The following DGLUCY variants were observed in gnomAD, a reference collection of about 807,000 sequenced individuals.
DGLUCY encodes D-glutamate cyclase.
In DGLUCY, 58 loss-of-function variants were observed where a neutral mutation model predicts 58.5. The observed-to-expected ratio is 0.99, with a 90% CI of 0.80 to 1.23. The LOEUF is 1.23. Ranked by LOEUF, DGLUCY falls within the 50% of genes most tolerant of loss-of-function variation. The pLI, the probability that DGLUCY is intolerant of heterozygous loss-of-function variation, is 0.00. For synonymous variants in DGLUCY, 325 were observed against 314.1 expected (o/e 1.03, Z -0.37); for missense variants, 779 against 784.7 (o/e 0.99, Z 0.09).
At chr14:91,212,091 C>G (rs947378153) in intron 12 of DGLUCY, among the ~76,000 whole-genome samples, 2 of 152,200 alleles carry the variant, frequency 1.3e-5, no homozygotes, top group African/African-American at 4.8e-5. Context: ...GCATGAGCCA[C>G]CACATCTGGC....
At chr14:91,160,547 C>T in intron 3 of DGLUCY, 150 bp downstream of exon 3, 2 of 626,638 alleles carry the variant, frequency 3.2e-6, no homozygotes, top group East Asian at 2.8e-5. Context: ...TAGCTCTGGT[C>T]ACTATTTAAC....
intron 4 of DGLUCY, 157 bp downstream of exon 4, chr14:91,167,535 C>A: frequency 1.0e-6 from 1 of 957,476 alleles, no homozygotes; most frequent in Non-Finnish European, 1.6e-6. Context: ...AACGAGCTGC[C>A]CTCCCCACTG....
intron 1 of DGLUCY, among the ~76,000 whole-genome samples, chr14:91,075,539 T>C (rs1049869092): frequency 4.6e-5 from 7 of 152,338 alleles, no homozygotes; most frequent in East Asian, 1.9e-4. Flanking sequence ...TAGTTTGCTT[T>C]GATTTGGGTT....
rs186380067 is a variant in DGLUCY, at chr14:91,063,875, T to C, written c.-82+3171T>C. Among the ~76,000 whole-genome samples the C allele has an allele frequency of 4.6e-5, 7 of 152,316 alleles. No homozygotes were observed. The East Asian group carries it at 1.3e-3, about 29-fold the overall frequency. On this transcript the variant is annotated intron_variant, in intron 1 of 4. Transcript: ENST00000521334. Reference sequence around the variant, plus strand: ...TAATCGTGGTAGTATTTTCAGAAGGTCACTGAAGTTAGTGTTTGGAGACTG... The same window carrying C: ...TAATCGTGGTAGTATTTTCAGAAGGCCACTGAAGTTAGTGTTTGGAGACTG...
chr14:91,181,732 C>T (rs901190473), intron 8 of DGLUCY, among the ~76,000 whole-genome samples: 2 of 147,424 alleles, frequency 1.4e-5, no homozygotes, highest in Non-Finnish European at 3.0e-5. Context: ...GGAACAATGG[C>T]GTGATCTTGG....
At chr14:91,071,608 G>A (rs1345542850) in intron 1 of DGLUCY, among the ~76,000 whole-genome samples, 4 of 152,066 alleles carry the variant, frequency 2.6e-5, no homozygotes, top group Admixed American at 6.5e-5. Context: ...GGTGGCTCAC[G>A]CCTATAATCC....
At chr14:91,220,543 T>C (rs1310024001) in intron 13 of DGLUCY, 1 of 455,954 alleles carries the variant, frequency 2.2e-6, no homozygotes, top group Non-Finnish European at 4.4e-6. Context: ...CAGAAGGAGG[T>C]GAAGGCCAAG....
chr14:91,215,338 C>CT, intron 12 of DGLUCY, 67 bp from the exon 13 acceptor site: 1 of 1,545,388 alleles, frequency 6.5e-7, no homozygotes, highest in Non-Finnish European at 8.8e-7. Flanking sequence ...GTTCTGCTTC[C>CT]TAGAGGCAGG....
chr14:91,191,060 T>C (rs531602293), intron 9 of DGLUCY, among the ~76,000 whole-genome samples: 1 of 152,130 alleles, frequency 6.6e-6, no homozygotes, highest in African/African-American at 2.4e-5. Flanking sequence ...GCTAGGGCCC[T>C]GCAGGGCCTC....
chr14:91,121,800 GA>G (rs954854687), intron 1 of DGLUCY, among the ~76,000 whole-genome samples: 3 of 151,900 alleles, frequency 2.0e-5, no homozygotes, highest in African/African-American at 2.4e-5. Context: ...AGAGCAGGGG[GA>G]AAAAAATGAC....
rs568479813 is a variant in DGLUCY, at chr14:91,165,902, T to C, written c.104-1323T>C. ...CATGTTTGTGGCATTAAAATGTTCA[T>C]GGCAGCACCATTTGTCATAACCCCA... On this transcript the variant is annotated intron_variant, in intron 3 of 13. Transcript: ENST00000256324. Among the ~76,000 whole-genome samples the C allele has an allele frequency of 3.3e-5, 5 of 152,358 alleles. No homozygotes were observed. The South Asian group carries it at 1.0e-3, about 32-fold the overall frequency.
At chr14:91,204,855 C>T in intron 12 of DGLUCY, 30 bp downstream of exon 12, 2 of 1,613,366 alleles carry the variant, frequency 1.2e-6, no homozygotes, top group Non-Finnish European at 1.7e-6. Context: ...CCCAGTCCGG[C>T]CGGCTACCCA....
intron 1 of DGLUCY, among the ~76,000 whole-genome samples, chr14:91,152,405 A>C (rs2047383827): frequency 6.6e-6 from 1 of 152,182 alleles, no homozygotes; most frequent in African/African-American, 2.4e-5. Flanking sequence ...TCAAGAAAAA[A>C]AATAAAGAAA....
intron 9 of DGLUCY, among the ~76,000 whole-genome samples, chr14:91,194,261 A>G (rs74083995): frequency 0.033 from 5,068 of 152,210 alleles, 311 homozygotes; most frequent in African/African-American, 0.12. Flanking sequence ...AGCTTGCCCA[A>G]GGTCACATAG....
At chr14:91,068,075 G>GCACACACA (rs778305281) in intron 1 of DGLUCY, among the ~76,000 whole-genome samples, 4 of 45,996 alleles carry the variant, frequency 8.7e-5, no homozygotes, top group East Asian at 9.4e-4. Context: ...ACACACACGC[G>GCACACACA]CACGCACACA....
chr14:91,128,001 A>G (rs1191484440), intron 1 of DGLUCY, among the ~76,000 whole-genome samples: 2 of 149,494 alleles, frequency 1.3e-5, no homozygotes, highest in African/African-American at 4.9e-5. Context: ...TCAACAGGAG[A>G]GGCTTTGGCT....
intron 2 of DGLUCY, among the ~76,000 whole-genome samples, chr14:91,159,136 C>T (rs2047833928): frequency 7.0e-6 from 1 of 142,996 alleles, no homozygotes; most frequent in Admixed American, 6.9e-5. Flanking sequence ...TGGCTAAAAC[C>T]TCTTTTTTTA....
At chr14:91,074,160 C>CACACACACACACACACATAT in intron 1 of DGLUCY, among the ~76,000 whole-genome samples, 1 of 136,124 alleles carries the variant, frequency 7.3e-6, no homozygotes, top group South Asian at 2.5e-4. Context: ...CACACACACA[C>CACACACACACACACACATAT]AGTCAAGCAC....
intron 12 of DGLUCY, among the ~76,000 whole-genome samples, chr14:91,214,527 G>A (rs189971708): frequency 7.7e-4 from 117 of 152,376 alleles, no homozygotes; most frequent in African/African-American, 2.7e-3. Context: ...GCTTCCACGT[G>A]GCACAGGGGA....
Sources: allele counts gnomAD v4.1 joint callset (sites outside exome capture counted in the v4.1 genomes callset), GRCh38; gene constraint gnomAD v4.1.1; transcripts MANE v1.5; gene names NCBI Gene and HGNC (gene_info 2026-07-23, HGNC 2026-07-21).